POLA1: variants seen among roughly 807,000 people sequenced by gnomAD.
The protein encoded by POLA1 is DNA polymerase alpha catalytic subunit.
Under a neutral mutation model 124.0 loss-of-function variants are expected in POLA1, and 15 were observed. The ratio of observed to expected loss-of-function variants is 0.12; its 90% CI spans 0.08 to 0.19. The LOEUF (loss-of-function observed/expected upper bound fraction) is 0.19, where lower values mean the gene tolerates loss of function less well. Among genes scored for constraint, POLA1 ranks in the 10% least tolerant of loss-of-function variants. The pLI, the probability that POLA1 is intolerant of heterozygous loss-of-function variation, is 1.00. For missense variants in POLA1, 886 were observed against 1,103.4 expected (o/e 0.80, Z 2.79); for synonymous variants, 408 against 389.4 (o/e 1.05, Z -0.56).
chrX:24,829,628 T>C (rs2046230500), intron 32 of POLA1, among the ~76,000 whole-genome samples: 1 of 112,225 alleles, frequency 8.9e-6, no homozygotes, highest in South Asian at 3.7e-4. Flanking sequence ...ATTCAGGAGC[T>C]GAATTTCTTA....
chrX:24,944,828 C>T (rs909629118), intron 36 of POLA1, among the ~76,000 whole-genome samples: 2 of 112,226 alleles, frequency 1.8e-5, no homozygotes, highest in African/African-American at 6.5e-5. Flanking sequence ...TACAAACATT[C>T]AACGGTTCTA....
intron 26 of POLA1, among the ~76,000 whole-genome samples, chrX:24,800,042 A>G (rs148518178): frequency 6.2e-4 from 69 of 111,748 alleles, no homozygotes; most frequent in Non-Finnish European, 1.1e-3. Flanking sequence ...TGGATGAGTT[A>G]TATGAGGAGT....
intron 35 of POLA1, among the ~76,000 whole-genome samples, chrX:24,914,169 C>T (rs985317076): frequency 2.7e-5 from 3 of 110,798 alleles, no homozygotes; most frequent in African/African-American, 9.8e-5. Flanking sequence ...ATAGTGAGAC[C>T]CTGTCTCAAA....
chrX:24,740,190 C>G (rs978162721), intron 20 of POLA1, among the ~76,000 whole-genome samples: 10 of 111,853 alleles, frequency 8.9e-5, no homozygotes, highest in African/African-American at 2.9e-4. Context: ...TCTTTCCTTA[C>G]TAAATTAATA....
In POLA1 at chrX:24,868,816, T is replaced by C. The variant is rs757277469; in HGVS notation, c.4048-19190T>C. ...TCATAACCTGTAAGTAATCCATCAC[T>C]AGGCAGTGGCTCCACAGCATTCGGA... On this transcript the variant is annotated intron_variant, in intron 34 of 36. Coordinates refer to ENST00000379068, the MANE Select transcript of POLA1 (RefSeq NM_001330360.2). Among the ~76,000 whole-genome samples the C allele has an allele frequency of 9.8e-5, 11 of 112,190 alleles. No individual in the cohort carries two copies. In the East Asian group the frequency reaches 3.1e-3, roughly 31 times the overall value.
intron 36 of POLA1, among the ~76,000 whole-genome samples, chrX:24,946,995 C>G (rs1321305552): frequency 9.0e-6 from 1 of 111,330 alleles, no homozygotes; most frequent in Non-Finnish European, 1.9e-5. Flanking sequence ...TGTCTACTTT[C>G]TGACAATTAC....
intron 36 of POLA1, among the ~76,000 whole-genome samples, chrX:24,969,639 A>C (rs2048275278): frequency 9.3e-6 from 1 of 108,081 alleles, no homozygotes; most frequent in Non-Finnish European, 1.9e-5. Flanking sequence ...CAAAATATGC[A>C]TTTTTTTTTT....
intron 34 of POLA1, among the ~76,000 whole-genome samples, chrX:24,859,062 G>T (rs1569340959): frequency 9.0e-6 from 1 of 111,281 alleles, no homozygotes; most frequent in African/African-American, 3.3e-5. Flanking sequence ...TCGTGGTGTT[G>T]TATTATATTC....
chrX:24,833,497 A>C (rs147605421), intron 32 of POLA1, among the ~76,000 whole-genome samples: 109 of 112,150 alleles, frequency 9.7e-4, no homozygotes, highest in African/African-American at 3.5e-3. Flanking sequence ...TAATGGTTGT[A>C]CTAGTTTACA....
chrX:24,864,242 A>G (rs1326252671), intron 34 of POLA1, among the ~76,000 whole-genome samples: 1 of 111,235 alleles, frequency 9.0e-6, no homozygotes, highest in African/African-American at 3.3e-5. Context: ...TCGGCCTCCC[A>G]AAGTACTAGG....
Position 24,913,024 on chromosome X carries a change from G to C in POLA1, c.4165-17429G>C, listed in dbSNP as rs192186911. Among the ~76,000 whole-genome samples the C allele has an allele frequency of 2.7e-5, 3 of 111,825 alleles. No homozygotes were observed. The East Asian group carries it at 8.5e-4, about 32-fold the overall frequency. On this transcript the variant is annotated intron_variant, in intron 35 of 36. Transcript: ENST00000379068. ...GTTCCTGTGTATTTACCCTAAAGAAGTACAAATTTATGTTCATACAAATAC... is the reference window on the plus strand; with the variant it reads ...GTTCCTGTGTATTTACCCTAAAGAACTACAAATTTATGTTCATACAAATAC...
intron 36 of POLA1, among the ~76,000 whole-genome samples, chrX:24,986,926 G>A (rs1344370970): frequency 9.0e-6 from 1 of 111,222 alleles, no homozygotes; most frequent in African/African-American, 3.3e-5. Flanking sequence ...TCTCTGATAG[G>A]CAGCTTCTAA....
rs767137258 is a variant in POLA1, at chrX:24,826,863, G to T, written c.3736+262G>T. Among the ~76,000 whole-genome samples the T allele has an allele frequency of 6.3e-5, 7 of 111,719 alleles. No homozygotes were observed. In the South Asian group the frequency reaches 1.5e-3, roughly 24 times the overall value. On this transcript the variant is annotated intron_variant, in intron 32 of 36. Coordinates refer to ENST00000379068, the MANE Select transcript of POLA1 (RefSeq NM_001330360.2). ...GGGAAGAGAGGGAAGGCAAAAGAAAGGGTAAAGTGAAGATTTCAGGTGCCG... is the reference window on the plus strand; with the variant it reads ...GGGAAGAGAGGGAAGGCAAAAGAAATGGTAAAGTGAAGATTTCAGGTGCCG...
At chrX:24,929,697 AT>A (rs2047746212) in intron 35 of POLA1, among the ~76,000 whole-genome samples, 2 of 112,185 alleles carry the variant, frequency 1.8e-5, no homozygotes, top group South Asian at 3.7e-4. Flanking sequence ...GACTGCATGT[AT>A]TTTTTTCCCA....
intron 34 of POLA1, among the ~76,000 whole-genome samples, chrX:24,885,210 T>C (rs1036993397): frequency 4.5e-5 from 5 of 112,271 alleles, no homozygotes; most frequent in Non-Finnish European, 7.5e-5. Flanking sequence ...TTTTTAGTTT[T>C]GTTTAGAATT....
chrX:24,941,350 CATT>C (rs1322709252), intron 36 of POLA1, among the ~76,000 whole-genome samples: 3 of 111,992 alleles, frequency 2.7e-5, no homozygotes, highest in African/African-American at 6.5e-5. Flanking sequence ...TTTAAACTGA[CATT>C]GTTGTGTTTT....
intron 34 of POLA1, among the ~76,000 whole-genome samples, chrX:24,882,039 G>A (rs2047009855): frequency 9.0e-6 from 1 of 110,651 alleles, no homozygotes. Context: ...CTTTGCATTG[G>A]ATATAAGAGA....
intron 26 of POLA1, among the ~76,000 whole-genome samples, chrX:24,805,382 T>C (rs2045779814): frequency 8.9e-6 from 1 of 112,017 alleles, no homozygotes; most frequent in African/African-American, 3.3e-5. Flanking sequence ...GAGAGCCTTG[T>C]GTGACACCGA....
intron 26 of POLA1, among the ~76,000 whole-genome samples, chrX:24,804,274 G>A (rs2045764585): frequency 9.0e-6 from 1 of 111,590 alleles, no homozygotes. Flanking sequence ...TGTTCATCAA[G>A]TGAGAGAACT....
Sources: allele counts gnomAD v4.1 joint callset (sites outside exome capture counted in the v4.1 genomes callset), GRCh38; gene constraint gnomAD v4.1.1; transcripts MANE v1.5; gene names NCBI Gene and HGNC (gene_info 2026-07-23, HGNC 2026-07-21).